The following IARS1 variants were observed in gnomAD, a reference collection of about 807,000 sequenced individuals.
IARS1 encodes the protein isoleucyl-tRNA synthetase 1.
IARS1 carries 124 observed loss-of-function variants against 168.2 expected under a neutral mutation model. The observed-to-expected ratio is 0.74, with a 90% CI of 0.64 to 0.86. The LOEUF (loss-of-function observed/expected upper bound fraction) is 0.86. Among genes scored for constraint, IARS1 ranks in the 40% least tolerant of loss-of-function variants. The probability of loss-of-function intolerance (pLI) is 0.00; values close to 1 mark genes in which losing one functional copy is unlikely to be tolerated. For missense variants in IARS1, 1,452 were observed against 1,515.8 expected (o/e 0.96, Z 0.70); for synonymous variants, 532 against 529.4 (o/e 1.00, Z -0.07).
intron 25 of IARS1, 45 bp downstream of exon 25, chr9:92,249,803 CAAAATAATGT>C (rs1587792485): frequency 1.1e-6 from 1 of 872,792 alleles, no homozygotes; most frequent in East Asian, 2.5e-5. Flanking sequence ...GATTATTCAT[CAAAATAATGT>C]TCTAAGTCTA....
At chr9:92,216,167 A>G (rs1408925333) in intron 33 of IARS1, among the ~76,000 whole-genome samples, 1 of 151,236 alleles carries the variant, frequency 6.6e-6, no homozygotes, top group African/African-American at 2.4e-5. Flanking sequence ...ATATCCAGCC[A>G]AACTAAGCTT....
At chr9:92,228,395 A>C (rs1826099792) in intron 31 of IARS1, among the ~76,000 whole-genome samples, 1 of 151,958 alleles carries the variant, frequency 6.6e-6, no homozygotes, top group Non-Finnish European at 1.5e-5. Context: ...ACTTAGTGAG[A>C]TCCAGGCATT....
At chr9:92,287,661 G>A (rs1183777737) in intron 4 of IARS1, 130 bp downstream of exon 4, 1 of 968,586 alleles carries the variant, frequency 1.0e-6, no homozygotes, top group African/African-American at 1.7e-5. Context: ...TAATAGGGTT[G>A]AAGGTGGAAG....
chr9:92,258,638 C>A (rs1831070923), intron 19 of IARS1, among the ~76,000 whole-genome samples: 1 of 152,164 alleles, frequency 6.6e-6, no homozygotes, highest in African/African-American at 2.4e-5. Context: ...TGACATAACT[C>A]TTTTGCAGGC....
intron 23 of IARS1, 80 bp from the exon 24 acceptor site, chr9:92,250,369 G>T: frequency 1.1e-6 from 1 of 915,392 alleles, no homozygotes; most frequent in Non-Finnish European, 1.8e-6. Context: ...CATAAGCGAG[G>T]AAGAGGGTCA....
chr9:92,245,661 T>A (rs184677161), intron 26 of IARS1, among the ~76,000 whole-genome samples: 4 of 152,352 alleles, frequency 2.6e-5, no homozygotes, highest in Non-Finnish European at 5.9e-5. Flanking sequence ...GTGTCATTTT[T>A]ATGTTTACTT....
At chr9:92,223,206 G>T (rs1839908854) in intron 32 of IARS1, 140 bp downstream of exon 32, 2 of 610,086 alleles carry the variant, frequency 3.3e-6, no homozygotes, top group Non-Finnish European at 2.5e-6. Context: ...AAAGCCTGTG[G>T]TTGCTCCCCA....
chr9:92,279,616 C>T (rs951423268), intron 7 of IARS1, among the ~76,000 whole-genome samples: 2 of 152,148 alleles, frequency 1.3e-5, no homozygotes, highest in African/African-American at 4.8e-5. Context: ...TTTCCCTTGC[C>T]AACACAAGCT....
chr9:92,219,053 G>T (rs1424131643), intron 33 of IARS1, among the ~76,000 whole-genome samples: 2 of 152,102 alleles, frequency 1.3e-5, no homozygotes, highest in Non-Finnish European at 2.9e-5. Flanking sequence ...AAAACAGCAT[G>T]GTACTGGTAC....
intron 33 of IARS1, among the ~76,000 whole-genome samples, chr9:92,214,052 G>A (rs1471079985): frequency 8.6e-5 from 13 of 151,920 alleles, no homozygotes; most frequent in Admixed American, 8.5e-4. Flanking sequence ...CTCCCAAAGT[G>A]CTGGGATTAC....
At chr9:92,264,852 T>C in intron 16 of IARS1, 77 bp downstream of exon 16, 2 of 1,239,802 alleles carry the variant, frequency 1.6e-6, no homozygotes, top group Non-Finnish European at 1.1e-6. Context: ...AGTAGATAAA[T>C]GGCAGTGACT....
At chr9:92,235,674 G>A (rs538433679) in intron 30 of IARS1, among the ~76,000 whole-genome samples, 2 of 151,606 alleles carry the variant, frequency 1.3e-5, no homozygotes, top group African/African-American at 4.8e-5. Flanking sequence ...TTACAGGCAC[G>A]CGCCACCATG....
rs1310701554 is a variant in IARS1 at position 92,252,282 on chromosome 9, G to A, written c.2230-397C>T. ...TTTATGTTAAAAAAGTATATAATGT[G>A]TATTAAAAAAAATACCAATTCATTG... On this transcript the variant is annotated intron_variant, in intron 21 of 33. Coordinates refer to ENST00000443024, the MANE Select transcript of IARS1 (RefSeq NM_002161.6). 2.2e-5 allele frequency: 10 copies of A among 448,756 alleles called. No individual in the cohort carries two copies. In the East Asian group the frequency reaches 6.1e-4, roughly 27 times the overall value. 27.8% of individuals were successfully genotyped at this position (448,756 alleles called of 1,614,324 possible). A position where few individuals can be genotyped will look rare whatever the true frequency, so the allele number is the denominator to read the frequency against.
intron 22 of IARS1, 83 bp downstream of exon 22, chr9:92,251,725 T>C: frequency 3.4e-6 from 3 of 893,188 alleles, no homozygotes; most frequent in Non-Finnish European, 5.6e-6. Context: ...ACAGAATGGA[T>C]ATAAATGGAG....
chr9:92,225,277 A>G (rs1287851087), intron 31 of IARS1, among the ~76,000 whole-genome samples: 1 of 152,256 alleles, frequency 6.6e-6, no homozygotes, highest in Non-Finnish European at 1.5e-5. Flanking sequence ...AGCATTCCAC[A>G]TAGCATCGCT....
chr9:92,269,950 G>A lies in IARS1; in HGVS notation c.1239C>T (p.Pro413=), dbSNP rs1044204121. The A allele has an allele frequency of 1.9e-6, 3 of 1,613,490 alleles. No homozygotes were observed. The African/African-American group carries it at 4.0e-5, about 22-fold the overall frequency. ...SDTPLIYKAV[P]SWFVRVENMV... ...TGTTCTCCACTCGCACAAACCAGCT[G>A]GGCACTGCTTTGTAAATTAGAGGAG... Residue 413 remains proline (P), a synonymous_variant, in exon 13 of 34, where the codon CCC becomes CCT. Coordinates refer to ENST00000443024, the MANE Select transcript of IARS1 (RefSeq NM_002161.6).
intron 33 of IARS1, among the ~76,000 whole-genome samples, chr9:92,212,327 A>G (rs1837895050): frequency 6.6e-6 from 1 of 152,244 alleles, no homozygotes; most frequent in Admixed American, 6.5e-5. Context: ...GATTGGAAAG[A>G]TACTGAATTA....
At position 92,280,816 on chromosome 9, in the gene IARS1, G is replaced by T; in HGVS notation, c.675C>A (p.Thr225=). 5.6e-6 allele frequency: 9 copies of T among 1,610,040 alleles called. No individual in the cohort carries two copies. Among genetic ancestry groups the T allele is most frequent in the Non-Finnish European group, 6.8e-6 (8 of 1,176,504 alleles). The change falls in exon 7 of 34, where the codon ACC becomes ACA. Residue 225 remains threonine (T), a synonymous_variant. Coordinates refer to ENST00000443024, the MANE Select transcript of IARS1 (RefSeq NM_002161.6). ...GGTTACTAGGTAGAGTCCAGGGAGTGGTTGTCCAAGCAACTAAAGATACAG... is the reference window on the plus strand; with the variant it reads ...GGTTACTAGGTAGAGTCCAGGGAGTTGTTGTCCAAGCAACTAAAGATACAG... ...DETVSLVAWT[T]TPWTLPSNLA... is the part of the protein sequence containing the mutation.
intron 30 of IARS1, among the ~76,000 whole-genome samples, chr9:92,232,099 C>A (rs1158666087): frequency 6.6e-6 from 1 of 152,142 alleles, no homozygotes; most frequent in Non-Finnish European, 1.5e-5. Context: ...TTTTAGGATT[C>A]TTGTTTTTGT....
Sources: allele counts gnomAD v4.1 joint callset (sites outside exome capture counted in the v4.1 genomes callset), GRCh38; gene constraint gnomAD v4.1.1; transcripts MANE v1.5; gene names NCBI Gene and HGNC (gene_info 2026-07-23, HGNC 2026-07-21).